The following WEE2 variants were observed in gnomAD, a reference collection of about 807,000 sequenced individuals.
The protein encoded by WEE2 is wee1-like protein kinase 2.
Under a neutral mutation model 60.1 loss-of-function variants are expected in WEE2, and 50 were observed. The ratio of observed to expected loss-of-function variants is 0.83; its 90% CI spans 0.66 to 1.05. The LOEUF (loss-of-function observed/expected upper bound fraction) is 1.05, where lower values mean the gene tolerates loss of function less well. Among genes scored for constraint, WEE2 ranks in the 50% least tolerant of loss-of-function variants. The probability of loss-of-function intolerance (pLI) is 0.00; values close to 1 mark genes in which losing one functional copy is unlikely to be tolerated. For synonymous variants in WEE2, 240 were observed against 241.0 expected (o/e 1.00, Z 0.04); for missense variants, 631 against 684.3 (o/e 0.92, Z 0.87).
chr7:141,712,238 A>G (rs1053629570), intron 1 of WEE2, among the ~76,000 whole-genome samples: 1 of 152,020 alleles, frequency 6.6e-6, no homozygotes, highest in African/African-American at 2.4e-5. Flanking sequence ...TCAAGCATCA[A>G]GGGACTAATC....
At position 141,708,690 on chromosome 7, in the gene WEE2, C is replaced by A; in HGVS notation, c.-69C>A. 7.3e-7 allele frequency: 1 copy of A among 1,368,674 alleles called. No homozygotes were observed. Among genetic ancestry groups the A allele is most frequent in the Non-Finnish European group, 1.0e-6 (1 of 994,004 alleles). The allele number at this position is 1,368,674 out of a possible 1,614,324, so 84.8% of individuals were successfully genotyped here. A position where few individuals can be genotyped will look rare whatever the true frequency, so the allele number is the denominator to read the frequency against. On this transcript the variant is annotated 5_prime_UTR_variant, in exon 1 of 12. Transcript: ENST00000397541. Reference sequence around the variant, plus strand: ...AGGTTAAGTTATTTTCTCCTCCCTGCTTCTGTAGGTTCACAGCGTTCCCTT... The same window carrying A: ...AGGTTAAGTTATTTTCTCCTCCCTGATTCTGTAGGTTCACAGCGTTCCCTT...
intron 5 of WEE2, among the ~76,000 whole-genome samples, chr7:141,721,515 A>G (rs1798910253): frequency 6.6e-6 from 1 of 151,838 alleles, no homozygotes; most frequent in African/African-American, 2.4e-5. Context: ...CTGGAGTGCA[A>G]TGGTGTGATC....
intron 1 of WEE2, 21 bp from the exon 2 acceptor site, chr7:141,714,188 C>T: frequency 6.3e-7 from 1 of 1,583,168 alleles, no homozygotes; most frequent in Non-Finnish European, 8.6e-7. Context: ...TTATGACTTG[C>T]CTTTTGTCAT....
Position 141,709,104 on chromosome 7 carries a change from A to G in WEE2, c.342+4A>G, listed in dbSNP as rs544015942. ...TGACAGCCCCTCTACTCCCAAAGTA[A>G]GTAAGGGGTGGGGGAAAAAGGGACG... On this transcript the variant is annotated splice_donor_region_variant and intron_variant, in intron 1 of 11. Coordinates refer to ENST00000397541, the MANE Select transcript of WEE2 (RefSeq NM_001105558.1). The G allele has an allele frequency of 1.2e-6, 2 of 1,609,954 alleles. No individual in the cohort carries two copies. The highest frequency in any genetic ancestry group is 2.2e-5 in the South Asian group (2 of 90,880).
rs745462001 is a variant in WEE2 at position 141,716,274 on chromosome 7, G to A, written c.585+7G>A. The A allele has an allele frequency of 1.5e-5, 24 of 1,612,492 alleles. No homozygotes were observed. The highest frequency in any genetic ancestry group is 1.3e-4 in the African/African-American group (10 of 74,906). On this transcript the variant is annotated splice_region_variant and intron_variant, in intron 3 of 11. Transcript: ENST00000397541. ...GGGAGGGCTGCCTGCCAAGGTAAGC[G>A]TAGTTCTTTGTCCCAGCGGCCACAA...
rs796168135 is a variant in WEE2 at position 141,727,615 on chromosome 7, C to T, written c.1535+169C>T. The T allele has an allele frequency of 2.3e-5, 18 of 791,420 alleles. 1 individual carries two copies. Among genetic ancestry groups the T allele is most frequent in the African/African-American group, 1.7e-4 (10 of 57,326 alleles). 49.0% of individuals were successfully genotyped at this position (791,420 alleles called of 1,614,324 possible). On this transcript the variant is annotated intron_variant, in intron 10 of 11. Coordinates refer to ENST00000397541, the MANE Select transcript of WEE2 (RefSeq NM_001105558.1). ...GGCAGCATGCGGCTCTTTGTAGCAT[C>T]GGGCTGGGAGGCTCTGTGATTAGGT...
chr7:141,730,531 T>C lies in WEE2; in HGVS notation c.*211T>C. On this transcript the variant is annotated 3_prime_UTR_variant, in exon 12 of 12. Transcript: ENST00000397541. ...TGTTCCTAAGAGAGAATTCCCAGCT[T>C]CTTTGAGGAAGTGGGTCTCCTAATG... is the stretch of plus-strand genomic sequence containing the variant. The C allele has an allele frequency of 2.0e-6, 1 of 511,810 alleles. No homozygotes were observed. Among genetic ancestry groups the C allele is most frequent in the South Asian group, 3.3e-5 (1 of 29,952 alleles). 31.7% of individuals were successfully genotyped at this position (511,810 alleles called of 1,614,324 possible). A position where few individuals can be genotyped will look rare whatever the true frequency, so the allele number is the denominator to read the frequency against.
chr7:141,730,706 C>T lies in WEE2; in HGVS notation c.*386C>T, dbSNP rs188871939. The T allele has an allele frequency of 2.1e-3, 349 of 168,070 alleles. 2 individuals carry two copies. The highest frequency in any genetic ancestry group is 8.0e-3 in the African/African-American group (339 of 42,204). The allele number at this position is 168,070 out of a possible 1,614,324, so 10.4% of individuals were successfully genotyped here. ...CTGTGGGGAGAGGCTTCAGGGAAAA[C>T]TTGATGTGCCTGTGGTTGTTCTCCA... On this transcript the variant is annotated 3_prime_UTR_variant, in exon 12 of 12. Coordinates refer to ENST00000397541, the MANE Select transcript of WEE2 (RefSeq NM_001105558.1).
rs142648671 is a variant in WEE2 at position 141,728,678 on chromosome 7, C to T, written c.1536-853C>T. Among the ~76,000 whole-genome samples the T allele has an allele frequency of 3.5e-3, 537 of 152,218 alleles. 7 individuals carry two copies. Among genetic ancestry groups the T allele is most frequent in the East Asian group, 0.023 (121 of 5,176 alleles). Reference sequence around the variant, plus strand: ...TCTTGAAATTGTCTAGACCAGGGGTCCCCAGCCCCTGGGCCATGGACCAGT... The same window carrying T: ...TCTTGAAATTGTCTAGACCAGGGGTTCCCAGCCCCTGGGCCATGGACCAGT... On this transcript the variant is annotated intron_variant, in intron 10 of 11. Transcript: ENST00000397541.
intron 11 of WEE2, 79 bp downstream of exon 11, chr7:141,729,752 G>C: frequency 2.0e-6 from 3 of 1,480,378 alleles, no homozygotes; most frequent in Non-Finnish European, 2.7e-6. Flanking sequence ...ACTTTGGGAG[G>C]CCAAGGCAGG....
chr7:141,714,642 G>A (rs1476131038), intron 2 of WEE2, among the ~76,000 whole-genome samples: 1 of 152,208 alleles, frequency 6.6e-6, no homozygotes, highest in South Asian at 2.1e-4. Context: ...GGATAAGACA[G>A]AATAAGCAAT....
At position 141,727,379 on chromosome 7, in the gene WEE2, C is replaced by G; in HGVS notation, c.1468C>G (p.Leu490Val). 5 of 1,614,086 alleles carry G rather than the reference C, an allele frequency of 3.1e-6. No individual in the cohort carries two copies. The highest frequency in any genetic ancestry group is 4.2e-6 in the Non-Finnish European group (5 of 1,179,966). Reference protein sequence around the residue: ...LARNTVLRPSLGKTEELQQQL... With the variant: ...LARNTVLRPSVGKTEELQQQL... The stretch of plus-strand genomic sequence containing the variant: ...CAGAAATACAGTTCTCCGGCCTTCC[C>G]TGGGAAAAACAGAAGAGCTCCAACA... Residue 490 changes from leucine (L) to valine (V), a missense_variant, in exon 10 of 12, where the codon CTG (leucine) becomes GTG (valine). Leu to Val is a conservative substitution (Grantham distance 32). Transcript: ENST00000397541.
At position 141,719,123 on chromosome 7, in the gene WEE2, T is replaced by C; in HGVS notation, c.637T>C (p.Leu213=). ...NMASRYEKEF[L]EVEKIGVGEF... ...GGCTTCCCGCTATGAAAAAGAATTC[T>C]TGGAGGTTGAAAAAATTGGGGTTGG... The change falls in exon 4 of 12, where the codon TTG becomes CTG. Residue 213 remains leucine, a synonymous_variant. Coordinates refer to ENST00000397541, the MANE Select transcript of WEE2 (RefSeq NM_001105558.1). 6.2e-7 allele frequency: 1 copy of C among 1,614,120 alleles called. No homozygotes were observed. The highest frequency in any genetic ancestry group is 8.5e-7 in the Non-Finnish European group (1 of 1,180,002).
intron 10 of WEE2, chr7:141,727,801 A>T: frequency 4.8e-6 from 1 of 210,282 alleles, no homozygotes; most frequent in East Asian, 1.1e-4. Context: ...TAAGATGGGT[A>T]AGACCTATTT....
rs778627104 is a variant in WEE2 at position 141,708,723 on chromosome 7, A to T, written c.-36A>T. The T allele has an allele frequency of 3.8e-6, 6 of 1,564,018 alleles. No homozygotes were observed. The highest frequency in any genetic ancestry group is 3.5e-5 in the South Asian group (3 of 86,484). ...GGTTCACAGCGTTCCCTTCTGATAG[A>T]GCTTTTTGTCTGTGTTGTAAAGCTC... is the stretch of plus-strand genomic sequence containing the variant. On this transcript the variant is annotated 5_prime_UTR_variant, in exon 1 of 12. Coordinates refer to ENST00000397541, the MANE Select transcript of WEE2 (RefSeq NM_001105558.1).
At chr7:141,723,035 G>A in intron 5 of WEE2, 99 bp from the exon 6 acceptor site, 1 of 1,483,066 alleles carries the variant, frequency 6.7e-7, no homozygotes. Flanking sequence ...AGGAGGTCCT[G>A]GAACTAATAC....
intron 10 of WEE2, chr7:141,727,832 G>A: frequency 5.5e-6 from 1 of 181,522 alleles, no homozygotes; most frequent in Non-Finnish European, 1.2e-5. Context: ...TAAATTTCAG[G>A]GGCAGGCAGG....
At chr7:141,710,466 C>T (rs1213166626) in intron 1 of WEE2, among the ~76,000 whole-genome samples, 1 of 152,140 alleles carries the variant, frequency 6.6e-6, no homozygotes, top group Non-Finnish European at 1.5e-5. Flanking sequence ...TGTTAGCAGA[C>T]CCTCTGCTGG....
At chr7:141,714,605 T>C (rs1408888916) in intron 2 of WEE2, among the ~76,000 whole-genome samples, 200 bp downstream of exon 2, 1 of 152,182 alleles carries the variant, frequency 6.6e-6, no homozygotes, top group East Asian at 1.9e-4. Flanking sequence ...CATTCTGATA[T>C]GTACTGTAGA....
Sources: allele counts gnomAD v4.1 joint callset (sites outside exome capture counted in the v4.1 genomes callset), GRCh38; gene constraint gnomAD v4.1.1; transcripts MANE v1.5; gene names NCBI Gene and HGNC (gene_info 2026-07-23, HGNC 2026-07-21).